GRIK3: variants seen among roughly 807,000 people sequenced by gnomAD.
GRIK3 encodes glutamate ionotropic receptor kainate type subunit 3.
Under a neutral mutation model 102.5 loss-of-function variants are expected in GRIK3, and 29 were observed. That is an observed-to-expected ratio of 0.28 (90% CI 0.21 to 0.39). GRIK3 has a LOEUF of 0.39. Ranked by LOEUF, GRIK3 falls within the 10% of genes least tolerant of loss-of-function variation. The pLI is 1.00. For missense variants in GRIK3, 908 were observed against 1,252.4 expected (o/e 0.73, Z 4.15); for synonymous variants, 511 against 504.9 (o/e 1.01, Z -0.16).
intron 1 of GRIK3, among the ~76,000 whole-genome samples, chr1:36,933,992 A>G (rs113339059): frequency 4.9e-4 from 74 of 152,316 alleles, no homozygotes; most frequent in African/African-American, 1.7e-3. Context: ...CCACTGGACC[A>G]CACTTACAGT....
In GRIK3 at chr1:36,827,204, C is replaced by T. The variant is rs3767040; in HGVS notation, c.1531-1378G>A. Among the ~76,000 whole-genome samples the T allele has an allele frequency of 4.5e-4, 68 of 152,316 alleles. No homozygotes were observed. The East Asian group carries it at 9.8e-3, about 22-fold the overall frequency. On this transcript the variant is annotated intron_variant, in intron 10 of 15. Transcript: ENST00000373091. ...TTATTTGCCTGTGAATTTCTGAGTG[C>T]GGCTGGAGCTGGGGCGGAGTCTCTG...
At chr1:36,808,832 C>T (rs1212316451) in intron 13 of GRIK3, among the ~76,000 whole-genome samples, 3 of 152,202 alleles carry the variant, frequency 2.0e-5, no homozygotes, top group African/African-American at 7.2e-5. Flanking sequence ...CACATAGTCA[C>T]ATAAGCGACT....
intron 1 of GRIK3, among the ~76,000 whole-genome samples, chr1:37,014,758 C>T (rs565249210): frequency 3.9e-5 from 6 of 152,180 alleles, no homozygotes; most frequent in Non-Finnish European, 8.8e-5. Context: ...CCATTTTGAC[C>T]GTGAGGATGC....
intron 10 of GRIK3, among the ~76,000 whole-genome samples, chr1:36,834,134 G>A (rs535187622): frequency 1.8e-4 from 27 of 152,294 alleles, no homozygotes; most frequent in African/African-American, 6.5e-4. Flanking sequence ...TAGAATGTAG[G>A]ATCTTGAGGA....
chr1:36,833,644 G>A (rs1331372433), intron 10 of GRIK3, among the ~76,000 whole-genome samples: 1 of 152,226 alleles, frequency 6.6e-6, no homozygotes, highest in Admixed American at 6.5e-5. Flanking sequence ...CCAGAACCAA[G>A]GTCTAGTTCC....
intron 1 of GRIK3, among the ~76,000 whole-genome samples, chr1:36,957,423 A>C (rs76172921): frequency 1.9e-5 from 1 of 52,842 alleles, no homozygotes. Context: ...TGTGTGCCCC[A>C]TGAGCCTCTG....
chr1:36,975,133 C>T (rs764072434), intron 1 of GRIK3, among the ~76,000 whole-genome samples: 42 of 152,108 alleles, frequency 2.8e-4, no homozygotes, highest in Non-Finnish European at 5.9e-4. Context: ...TACTTAAAAA[C>T]TGTTAAAATG....
chr1:36,964,081 G>T (rs1009980871), intron 1 of GRIK3, among the ~76,000 whole-genome samples: 1 of 152,222 alleles, frequency 6.6e-6, no homozygotes, highest in African/African-American at 2.4e-5. Context: ...GAGGCAGGAG[G>T]TGCTAAGAAG....
intron 1 of GRIK3, among the ~76,000 whole-genome samples, chr1:37,029,482 C>G (rs983324993): frequency 1.3e-5 from 2 of 152,248 alleles, no homozygotes; most frequent in African/African-American, 4.8e-5. Context: ...ACAGGGGCAG[C>G]TGCTGTGGCA....
chr1:36,961,425 C>A (rs188228067), intron 1 of GRIK3, among the ~76,000 whole-genome samples: 2 of 152,234 alleles, frequency 1.3e-5, no homozygotes, highest in East Asian at 3.9e-4. Context: ...AGAGAGAGGA[C>A]GAGGACAGTG....
chr1:36,902,286 GAGA>G (rs1399483400), intron 1 of GRIK3, among the ~76,000 whole-genome samples: 4 of 151,562 alleles, frequency 2.6e-5, no homozygotes, highest in Non-Finnish European at 5.9e-5. Flanking sequence ...AATATTGAAG[GAGA>G]AGAACAACAT....
chr1:36,866,977 T>C (rs1410763423), intron 5 of GRIK3, among the ~76,000 whole-genome samples: 4 of 152,210 alleles, frequency 2.6e-5, no homozygotes, highest in African/African-American at 9.7e-5. Flanking sequence ...GTTTCTTATA[T>C]ACATGAAGGA....
At chr1:36,805,958 AAAAG>A in intron 14 of GRIK3, 142 bp downstream of exon 14, 13 of 536,232 alleles carry the variant, frequency 2.4e-5, no homozygotes, top group South Asian at 1.2e-4. Flanking sequence ...AAAAAAAAAA[AAAAG>A]AAAAGAACAG....
chr1:36,965,441 A>G (rs1642068697), intron 1 of GRIK3, among the ~76,000 whole-genome samples: 1 of 152,102 alleles, frequency 6.6e-6, no homozygotes, highest in Non-Finnish European at 1.5e-5. Context: ...TGCGTGGGGG[A>G]AAAAAGGAAT....
chr1:36,946,301 G>T (rs1379796703), intron 1 of GRIK3, among the ~76,000 whole-genome samples: 2 of 152,238 alleles, frequency 1.3e-5, no homozygotes, highest in Non-Finnish European at 2.9e-5. Flanking sequence ...AGCACAGGTC[G>T]TGCAGTGCAG....
intron 1 of GRIK3, among the ~76,000 whole-genome samples, chr1:36,959,791 C>CA (rs1641980064): frequency 4.9e-5 from 6 of 122,950 alleles, no homozygotes; most frequent in South Asian, 3.1e-4. Context: ...CCCTGTGAGC[C>CA]TGTGTACCCC....
In GRIK3 at chr1:36,804,847, G is replaced by A. The variant is rs1642480186; in HGVS notation, c.2565+140C>T. 5 of 1,111,930 alleles carry A rather than the reference G, an allele frequency of 4.5e-6. No homozygotes were observed. The Admixed American group carries it at 9.2e-5, about 20-fold the overall frequency. The allele number at this position is 1,111,930 out of a possible 1,614,324, so 68.9% of individuals were successfully genotyped here. Reference sequence around the variant, plus strand: ...GGTCAGGACAGAGGTAGAGTGGCAGGGCTTGCTGGCCGACTGGATGCAGGG... The same window carrying A: ...GGTCAGGACAGAGGTAGAGTGGCAGAGCTTGCTGGCCGACTGGATGCAGGG... On this transcript the variant is annotated intron_variant, in intron 15 of 15. Transcript: ENST00000373091.
At chr1:36,953,045 G>A (rs1368568248) in intron 1 of GRIK3, among the ~76,000 whole-genome samples, 3 of 152,230 alleles carry the variant, frequency 2.0e-5, no homozygotes, top group Admixed American at 2.0e-4. Context: ...GTGAGGAGGA[G>A]CGGGAGGAGG....
intron 10 of GRIK3, among the ~76,000 whole-genome samples, chr1:36,831,318 A>G (rs1176139504): frequency 6.6e-6 from 1 of 152,226 alleles, no homozygotes; most frequent in Non-Finnish European, 1.5e-5. Flanking sequence ...CTGCAGCTGC[A>G]GAAAGCTGCT....
Sources: gnomAD v4.1 joint callset for allele counts (sites outside exome capture counted in the v4.1 genomes callset) on GRCh38, gnomAD v4.1.1 for gene constraint, MANE v1.5 for transcripts, NCBI Gene and HGNC (gene_info 2026-07-23, HGNC 2026-07-21) for gene names.